KIF26B: variants seen among roughly 807,000 people sequenced by gnomAD.
The protein encoded by KIF26B is kinesin family member 26B, also known as kinesin-like protein KIF26B.
In KIF26B, 63 loss-of-function variants were observed where a neutral mutation model predicts 151.2. The observed-to-expected ratio is 0.42, with a 90% CI of 0.34 to 0.51. The LOEUF (loss-of-function observed/expected upper bound fraction) is 0.51, where lower values mean the gene tolerates loss of function less well. KIF26B is among the 20% of genes least tolerant of loss of function. The pLI, the probability that KIF26B is intolerant of heterozygous loss-of-function variation, is 0.07. For missense variants in KIF26B, 2,813 were observed against 2,913.6 expected (o/e 0.97, Z 0.79); for synonymous variants, 1,357 against 1,262.1 (o/e 1.08, Z -1.59).
intron 10 of KIF26B, among the ~76,000 whole-genome samples, chr1:245,669,656 A>G (rs183670796): frequency 6.6e-6 from 1 of 152,350 alleles, no homozygotes; most frequent in East Asian, 1.9e-4. Flanking sequence ...GGATGTAGCT[A>G]TTAAAACAAC....
rs1327922124 is a variant in KIF26B at position 245,647,435 on chromosome 1, A to AG, written c.2258+1155_2258+1156insG. Reference sequence around the variant, plus strand: ...GCGAGACTCCTTCTCAAAAAAAAAAAAAAAAAAAGAAAAAAAAGAAAATTT... The same window carrying AG: ...GCGAGACTCCTTCTCAAAAAAAAAAAGAAAAAAAAGAAAAAAAAGAAAATTT... On this transcript the variant is annotated intron_variant, in intron 10 of 14. Transcript: ENST00000407071. Among the ~76,000 whole-genome samples, 900 of 149,414 alleles carry AG rather than the reference A, an allele frequency of 6.0e-3. 12 individuals carry two copies. Among genetic ancestry groups the AG allele is most frequent in the African/African-American group, 0.021 (844 of 40,670 alleles).
At chr1:245,173,034 T>C (rs994915350) in intron 2 of KIF26B, among the ~76,000 whole-genome samples, 1 of 152,114 alleles carries the variant, frequency 6.6e-6, no homozygotes, top group Admixed American at 6.5e-5. Context: ...CTAAGCAAAA[T>C]GTGGTATATC....
rs1261571943 is a variant in KIF26B at position 245,358,060 on chromosome 1, G to T, written c.466-8774G>T. 2.6e-5 allele frequency among the ~76,000 whole-genome samples: 4 copies of T among 152,030 alleles called. No homozygotes were observed. The highest frequency in any genetic ancestry group is 9.7e-5 in the African/African-American group (4 of 41,418). ...GCCTCCTGAGTAGCTGGGACTAAAG[G>T]CATGCACCACCGCACCTGGCTAATT... On this transcript the variant is annotated intron_variant, in intron 2 of 14. Coordinates refer to ENST00000407071, the MANE Select transcript of KIF26B (RefSeq NM_018012.4). The surrounding 1 kb of genome is among the most constrained non-coding windows in gnomAD (Gnocchi z 4.1).
chr1:245,357,697 G>A (rs1050529967), intron 2 of KIF26B, among the ~76,000 whole-genome samples: 15 of 152,018 alleles, frequency 9.9e-5, no homozygotes, highest in African/African-American at 3.6e-4. Flanking sequence ...TTATCATCAG[G>A]GCAGGAACCA....
At chr1:245,480,065 A>T (rs7530181) in intron 4 of KIF26B, among the ~76,000 whole-genome samples, 26,610 of 151,498 alleles carry the variant, frequency 0.18, 2,808 homozygotes, top group Middle Eastern at 0.26. Context: ...GGAGTTTAGG[A>T]CCAGCCTGGG....
At chr1:245,680,806 T>C (rs2044425431) in intron 10 of KIF26B, among the ~76,000 whole-genome samples, 1 of 152,238 alleles carries the variant, frequency 6.6e-6, no homozygotes, top group African/African-American at 2.4e-5. Flanking sequence ...GTGAAGATAC[T>C]GAGTCGCCAG....
At chr1:245,343,104 T>A (rs1672371126) in intron 2 of KIF26B, among the ~76,000 whole-genome samples, 2 of 141,162 alleles carry the variant, frequency 1.4e-5, no homozygotes, top group South Asian at 2.3e-4. Context: ...AAAAAAAGAA[T>A]TTAGATTAGT....
rs553414087 is a variant in KIF26B at position 245,336,150 on chromosome 1, G to A, written c.466-30684G>A. The stretch of plus-strand genomic sequence containing the variant: ...GAGTCCCACGCAGGGAGAGTCCCAT[G>A]CAGGGAAAGAAGGTCCCACGCAGGG... On this transcript the variant is annotated intron_variant, in intron 2 of 14. Coordinates refer to ENST00000407071, the MANE Select transcript of KIF26B (RefSeq NM_018012.4). 6.1e-5 allele frequency among the ~76,000 whole-genome samples: 9 copies of A among 147,118 alleles called. No individual in the cohort carries two copies. In the South Asian group the frequency reaches 6.6e-4, roughly 11 times the overall value.
At chr1:245,191,124 G>T (rs1040474697) in intron 2 of KIF26B, among the ~76,000 whole-genome samples, 1 of 138,182 alleles carries the variant, frequency 7.2e-6, no homozygotes, top group South Asian at 2.6e-4. Flanking sequence ...ATGAATATTT[G>T]TTCATTTGTA....
chr1:245,617,900 C>G (rs1464862488), intron 9 of KIF26B, among the ~76,000 whole-genome samples: 1 of 152,068 alleles, frequency 6.6e-6, no homozygotes, highest in African/African-American at 2.4e-5. Flanking sequence ...ACCTCAGTTT[C>G]CCCCCTGCTC....
At chr1:245,194,754 C>T (rs1669164352) in intron 2 of KIF26B, among the ~76,000 whole-genome samples, 1 of 152,060 alleles carries the variant, frequency 6.6e-6, no homozygotes, top group Non-Finnish European at 1.5e-5. Context: ...AAATGCTGGC[C>T]CTGGCTCCCA....
At chr1:245,565,324 T>C (rs1245589533) in intron 5 of KIF26B, among the ~76,000 whole-genome samples, 2 of 151,172 alleles carry the variant, frequency 1.3e-5, no homozygotes, top group Non-Finnish European at 2.9e-5. Flanking sequence ...AGTCTCACTC[T>C]GTTGCCCAGG....
At chr1:245,527,784 C>T (rs1414789213) in intron 4 of KIF26B, among the ~76,000 whole-genome samples, 2 of 151,762 alleles carry the variant, frequency 1.3e-5, no homozygotes, top group African/African-American at 2.4e-5. Context: ...CCACCTGCCT[C>T]GGCCTCCGAA....
rs773444207 is a variant in KIF26B at position 245,686,268 on chromosome 1, G to A, written c.3285G>A (p.Lys1095=). The A allele has an allele frequency of 1.2e-6, 2 of 1,612,920 alleles. No individual in the cohort carries two copies. The highest frequency in any genetic ancestry group is 2.2e-5 in the South Asian group (2 of 91,082). ...AGAGATGCAAAGTCTACACCCAGAA[G>A]GGGGTCCTGCCGTCTCCCGCCCCAC... ...PSQRCKVYTQ[K]GVLPSPAPLP... is the part of the protein sequence containing the mutation. Residue 1095 remains lysine, a synonymous_variant, in exon 12 of 15, where the codon AAG becomes AAA. Coordinates refer to ENST00000407071, the MANE Select transcript of KIF26B (RefSeq NM_018012.4). This position sits in a 1 kb window ranked among gnomAD's most constrained non-coding sequence, Gnocchi z 5.6.
chr1:245,497,881 T>C (rs961265591), intron 4 of KIF26B, among the ~76,000 whole-genome samples: 2 of 152,308 alleles, frequency 1.3e-5, no homozygotes, highest in South Asian at 4.1e-4. Flanking sequence ...GTAGCTGGGA[T>C]TACAGGCATG....
At chr1:245,471,129 G>T (rs5003294) in intron 4 of KIF26B, among the ~76,000 whole-genome samples, 5 of 145,148 alleles carry the variant, frequency 3.4e-5, no homozygotes, top group Non-Finnish European at 7.7e-5. Flanking sequence ...GTGTGTGTGT[G>T]TGTATATATA....
At chr1:245,163,224 C>T (rs902275724) in intron 2 of KIF26B, among the ~76,000 whole-genome samples, 1 of 152,180 alleles carries the variant, frequency 6.6e-6, no homozygotes, top group Admixed American at 6.5e-5. Context: ...TCACTGCAAC[C>T]TCCGCCTCCC....
intron 4 of KIF26B, among the ~76,000 whole-genome samples, chr1:245,475,273 A>G (rs776629788): frequency 6.6e-6 from 1 of 151,798 alleles, no homozygotes; most frequent in African/African-American, 2.4e-5. Context: ...CCTCCTTGCC[A>G]CTGAATCGGA....
At chr1:245,332,533 TA>T (rs1672133579) in intron 2 of KIF26B, among the ~76,000 whole-genome samples, 1 of 152,234 alleles carries the variant, frequency 6.6e-6, no homozygotes, top group Non-Finnish European at 1.5e-5. Flanking sequence ...TTGTCTGATC[TA>T]ACCTTTCTCT....
Sources: gnomAD v4.1 joint callset for allele counts (sites outside exome capture counted in the v4.1 genomes callset) on GRCh38, gnomAD v4.1.1 for gene constraint, Gnocchi (gnomAD v3.1) non-coding constraint, MANE v1.5 for transcripts, NCBI Gene and HGNC (gene_info 2026-07-23, HGNC 2026-07-21) for gene names.